The following ARHGAP24 variants were observed in gnomAD, a reference collection of about 807,000 sequenced individuals.
ARHGAP24 encodes rho GTPase-activating protein 24.
Under a neutral mutation model 76.4 loss-of-function variants are expected in ARHGAP24, and 50 were observed. The observed-to-expected ratio is 0.65, with a 90% CI of 0.52 to 0.83. The LOEUF (loss-of-function observed/expected upper bound fraction) is 0.83. Among genes scored for constraint, ARHGAP24 ranks in the 40% least tolerant of loss-of-function variants. The pLI is 0.00. For synonymous variants in ARHGAP24, 345 were observed against 323.3 expected, an observed-to-expected ratio of 1.07 and a Z score of -0.72; for missense variants, 930 against 914.2, an observed-to-expected ratio of 1.02 and a Z score of -0.22.
At chr4:85,894,885 C>A (rs1734054152) in intron 3 of ARHGAP24, among the ~76,000 whole-genome samples, 1 of 146,538 alleles carries the variant, frequency 6.8e-6, no homozygotes, top group South Asian at 2.2e-4. Flanking sequence ...CTCTTGCACC[C>A]AGGAGGCAGA....
chr4:85,579,848 T>G (rs1727535933), intron 2 of ARHGAP24, among the ~76,000 whole-genome samples: 1 of 152,168 alleles, frequency 6.6e-6, no homozygotes, highest in Non-Finnish European at 1.5e-5. Flanking sequence ...TAAAATCCAT[T>G]TGTCGGTTGA....
intron 3 of ARHGAP24, among the ~76,000 whole-genome samples, chr4:85,842,192 C>T (rs1384420975): frequency 1.3e-5 from 2 of 152,138 alleles, no homozygotes; most frequent in Non-Finnish European, 1.5e-5. Flanking sequence ...TTCTTTGCCC[C>T]CCCGGCTGAA....
chr4:85,982,327 T>C (rs1739714579), intron 8 of ARHGAP24, among the ~76,000 whole-genome samples: 1 of 151,364 alleles, frequency 6.6e-6, no homozygotes, highest in African/African-American at 2.4e-5. Flanking sequence ...TTTCTCTAGG[T>C]ACACCAATAA....
At chr4:85,928,653 G>A (rs1426553516) in intron 4 of ARHGAP24, among the ~76,000 whole-genome samples, 2 of 151,944 alleles carry the variant, frequency 1.3e-5, no homozygotes, top group East Asian at 3.9e-4. Flanking sequence ...GTAGAGATGG[G>A]GTTTCACCAT....
intron 3 of ARHGAP24, among the ~76,000 whole-genome samples, chr4:85,871,115 T>A (rs2110190939): frequency 6.6e-6 from 1 of 152,280 alleles, no homozygotes; most frequent in East Asian, 1.9e-4. Context: ...TTCTAAGGCA[T>A]GTGTATAATT....
chr4:85,789,504 C>A (rs1222237962), intron 3 of ARHGAP24, among the ~76,000 whole-genome samples: 1 of 151,692 alleles, frequency 6.6e-6, no homozygotes, highest in African/African-American at 2.4e-5. Flanking sequence ...AACAGAGACA[C>A]CAAAAAAGCA....
At chr4:85,879,726 G>A (rs1448760014) in intron 3 of ARHGAP24, among the ~76,000 whole-genome samples, 1 of 151,788 alleles carries the variant, frequency 6.6e-6, no homozygotes, top group Non-Finnish European at 1.5e-5. Context: ...TAAATTATAT[G>A]TATTTAATTA....
At chr4:85,907,982 T>G (rs927230925) in intron 3 of ARHGAP24, among the ~76,000 whole-genome samples, 1 of 152,068 alleles carries the variant, frequency 6.6e-6, no homozygotes, top group Non-Finnish European at 1.5e-5. Context: ...GTCTCGGAGC[T>G]TGGATGTAAG....
intron 3 of ARHGAP24, among the ~76,000 whole-genome samples, chr4:85,759,980 G>A (rs1726673285): frequency 1.3e-5 from 2 of 152,100 alleles, no homozygotes; most frequent in Admixed American, 6.5e-5. Context: ...TTAACTCACA[G>A]TTCCAAAATG....
intron 7 of ARHGAP24, among the ~76,000 whole-genome samples, chr4:85,977,155 G>A (rs1223888363): frequency 6.6e-6 from 1 of 152,014 alleles, no homozygotes; most frequent in East Asian, 1.9e-4. Context: ...CCACAAAAAG[G>A]GTTAATTCCT....
intron 5 of ARHGAP24, among the ~76,000 whole-genome samples, chr4:85,948,505 A>G (rs1737415401): frequency 6.6e-6 from 1 of 152,158 alleles, no homozygotes; most frequent in Non-Finnish European, 1.5e-5. Flanking sequence ...ATGGAGGAAT[A>G]TTTTATATAT....
intron 5 of ARHGAP24, among the ~76,000 whole-genome samples, chr4:85,966,146 C>G (rs1290898891): frequency 6.6e-6 from 1 of 152,094 alleles, no homozygotes; most frequent in Non-Finnish European, 1.5e-5. Flanking sequence ...AGAGAAAGAG[C>G]AAGCTTTTTA....
At chr4:85,646,898 A>T (rs1420661769) in intron 2 of ARHGAP24, among the ~76,000 whole-genome samples, 1 of 152,148 alleles carries the variant, frequency 6.6e-6, no homozygotes, top group Non-Finnish European at 1.5e-5. Context: ...CCTTGTATTC[A>T]CATTTATGTG....
intron 1 of ARHGAP24, among the ~76,000 whole-genome samples, chr4:85,501,679 C>T (rs1032951176): frequency 3.3e-5 from 5 of 152,126 alleles, no homozygotes; most frequent in Non-Finnish European, 7.4e-5. Context: ...GTTGCCTGTT[C>T]ACTCTGATGG....
intron 5 of ARHGAP24, among the ~76,000 whole-genome samples, chr4:85,954,151 T>C (rs1482265700): frequency 6.6e-6 from 1 of 152,166 alleles, no homozygotes; most frequent in Non-Finnish European, 1.5e-5. Context: ...AGATGTTTTG[T>C]TTAGGGCAGA....
intron 5 of ARHGAP24, among the ~76,000 whole-genome samples, chr4:85,964,350 CA>C (rs1489416555): frequency 6.6e-6 from 1 of 151,984 alleles, no homozygotes; most frequent in East Asian, 1.9e-4. Flanking sequence ...CTGTTGTTGC[CA>C]GTCAATTTTG....
intron 2 of ARHGAP24, among the ~76,000 whole-genome samples, chr4:85,713,288 A>C (rs1336400190): frequency 6.6e-6 from 1 of 152,124 alleles, no homozygotes; most frequent in Non-Finnish European, 1.5e-5. Context: ...CCTGGGTGAA[A>C]GAGTCAGACC....
rs138009411 is a variant in ARHGAP24 at position 85,741,848 on chromosome 4, G to A, written c.268+19876G>A. Reference sequence around the variant, plus strand: ...CACTGGTACTTTTTTTTCATGTTTTGTGTTGTAGTTGCATTTTACTAGAGC... The same window carrying A: ...CACTGGTACTTTTTTTTCATGTTTTATGTTGTAGTTGCATTTTACTAGAGC... On this transcript the variant is annotated intron_variant, in intron 3 of 9. Transcript: ENST00000395184. 3.4e-3 allele frequency among the ~76,000 whole-genome samples: 512 copies of A among 151,978 alleles called. 3 individuals carry two copies. The highest frequency in any genetic ancestry group is 0.012 in the African/African-American group (485 of 41,444).
chr4:85,562,232 C>G (rs1342756027), intron 1 of ARHGAP24, among the ~76,000 whole-genome samples: 1 of 152,148 alleles, frequency 6.6e-6, no homozygotes, highest in Non-Finnish European at 1.5e-5. Context: ...CATCATATCA[C>G]TGTGCTAGGA....
Sources: allele counts gnomAD v4.1 joint callset (sites outside exome capture counted in the v4.1 genomes callset), GRCh38; gene constraint gnomAD v4.1.1; transcripts MANE v1.5; gene names NCBI Gene and HGNC (gene_info 2026-07-23, HGNC 2026-07-21).